The following MAPKAPK2 variants were observed in gnomAD, a reference collection of about 807,000 sequenced individuals.
MAPKAPK2 encodes the protein MAP kinase-activated protein kinase 2.
In MAPKAPK2, 9 loss-of-function variants were observed where a neutral mutation model predicts 48.8. That is an observed-to-expected ratio of 0.18 (90% CI 0.11 to 0.32). The LOEUF (loss-of-function observed/expected upper bound fraction) is 0.32. Among genes scored for constraint, MAPKAPK2 ranks in the 10% least tolerant of loss-of-function variants. The pLI is 1.00. For missense variants in MAPKAPK2, 331 were observed against 498.3 expected (o/e 0.66, Z 3.20); for synonymous variants, 202 against 190.6 (o/e 1.06, Z -0.49).
chr1:206,701,898 C>T (rs1348179974), intron 1 of MAPKAPK2, among the ~76,000 whole-genome samples: 2 of 149,214 alleles, frequency 1.3e-5, no homozygotes, highest in Non-Finnish European at 3.0e-5. Flanking sequence ...AAGAGATGGT[C>T]ACCTGGCCCA....
intron 1 of MAPKAPK2, among the ~76,000 whole-genome samples, chr1:206,697,163 G>T (rs187185459): frequency 8.5e-4 from 129 of 152,284 alleles, no homozygotes; most frequent in African/African-American, 3.0e-3. Context: ...GCCCTTTGGA[G>T]AACTTTAACT....
In MAPKAPK2 at chr1:206,728,841, C is replaced by T; in HGVS notation, c.411C>T (p.Val137=). Residue 137 remains valine (V), a synonymous_variant, in exon 2 of 10, where the codon GTC becomes GTT. Transcript: ENST00000367103. ...CAGGGAGGAAGTGCCTGCTGATTGT[C>T]ATGGAATGGTAAGCAGCCACTGTTC... The part of the protein sequence containing the change: ...LYAGRKCLLI[V]MECLDGGELF... 1 of 1,614,054 alleles carries T rather than the reference C, an allele frequency of 6.2e-7. No homozygotes were observed. The highest frequency in any genetic ancestry group is 8.5e-7 in the Non-Finnish European group (1 of 1,179,982).
At chr1:206,720,987 G>A (rs1673499017) in intron 1 of MAPKAPK2, among the ~76,000 whole-genome samples, 1 of 152,006 alleles carries the variant, frequency 6.6e-6, no homozygotes, top group African/African-American at 2.4e-5. Flanking sequence ...CTTATCTCTG[G>A]GCCTTAAGTT....
Position 206,691,334 on chromosome 1 carries a change from A to G in MAPKAPK2, c.279+5826A>G, listed in dbSNP as rs547991331. Among the ~76,000 whole-genome samples the G allele has an allele frequency of 3.3e-5, 5 of 151,980 alleles. No homozygotes were observed. The East Asian group carries it at 9.7e-4, about 29-fold the overall frequency. ...AACGCATCAGCTAGGATCTTTCCACATGGGTTACCTTGTAAATGGGGGCAT... is the reference window on the plus strand; with the variant it reads ...AACGCATCAGCTAGGATCTTTCCACGTGGGTTACCTTGTAAATGGGGGCAT... On this transcript the variant is annotated intron_variant, in intron 1 of 9. Transcript: ENST00000367103.
At chr1:206,694,028 G>C in intron 1 of MAPKAPK2, among the ~76,000 whole-genome samples, 1 of 152,230 alleles carries the variant, frequency 6.6e-6, no homozygotes, top group East Asian at 1.9e-4. Context: ...GGATCCTGGA[G>C]ACTTGTGGAG....
Position 206,732,500 on chromosome 1 carries a change from C to T in MAPKAPK2, c.1060-75C>T, listed in dbSNP as rs1026494792. 2.3e-5 allele frequency: 37 copies of T among 1,580,562 alleles called. No homozygotes were observed. Among genetic ancestry groups the T allele is most frequent in the Admixed American group, 1.6e-4 (9 of 57,694 alleles). ...CTGCCCTTGTTGTCTCTGTCTCTCA[C>T]GTCTCTCTTCTGCTGTCTCTCCTAC... On this transcript the variant is annotated intron_variant, in intron 9 of 9. Coordinates refer to ENST00000367103, the MANE Select transcript of MAPKAPK2 (RefSeq NM_032960.4). This position sits in a 1 kb window ranked among gnomAD's most constrained non-coding sequence, Gnocchi z 4.4.
At position 206,733,433 on chromosome 1, in the gene MAPKAPK2, C is replaced by T. The variant is rs1674001630; in HGVS notation, c.*715C>T. On this transcript the variant is annotated 3_prime_UTR_variant, in exon 10 of 10. Transcript: ENST00000367103. ...GAACCTTCTCCCTTCTTGGGTCTGC[C>T]CTGCCCATACTGAGCCTGCCAAAGT... 6.6e-6 allele frequency: 1 copy of T among 152,290 alleles called. No individual in the cohort carries two copies. The highest frequency in any genetic ancestry group is 2.4e-5 in the African/African-American group (1 of 41,444). The allele number at this position is 152,290 out of a possible 1,614,324, so 9.4% of individuals were successfully genotyped here.
chr1:206,697,259 G>T (rs1291895943), intron 1 of MAPKAPK2, among the ~76,000 whole-genome samples: 2 of 152,226 alleles, frequency 1.3e-5, no homozygotes, highest in East Asian at 3.8e-4. Context: ...CAGACACACA[G>T]ATGCAGTCCA....
At chr1:206,723,030 A>G (rs534232816) in intron 1 of MAPKAPK2, among the ~76,000 whole-genome samples, 1 of 152,344 alleles carries the variant, frequency 6.6e-6, no homozygotes, top group Non-Finnish European at 1.5e-5. Context: ...CACACCCACA[A>G]CACACTTGGT....
intron 1 of MAPKAPK2, among the ~76,000 whole-genome samples, 196 bp downstream of exon 1, chr1:206,685,704 C>T (rs1312609038): frequency 3.3e-5 from 5 of 149,914 alleles, no homozygotes; most frequent in Admixed American, 3.3e-4. Context: ...TCCCTGACCG[C>T]TTCCGGCCGC....
At chr1:206,702,890 A>G (rs1038829157) in intron 1 of MAPKAPK2, among the ~76,000 whole-genome samples, 2 of 152,218 alleles carry the variant, frequency 1.3e-5, no homozygotes, top group African/African-American at 4.8e-5. Context: ...TTCAAGGCTC[A>G]TAATAGATTT....
chr1:206,727,523 C>T (rs974564228), intron 1 of MAPKAPK2, among the ~76,000 whole-genome samples: 4 of 152,186 alleles, frequency 2.6e-5, no homozygotes, highest in Non-Finnish European at 5.9e-5. Flanking sequence ...TCCTCTTAGG[C>T]CCCCCTTACT....
At chr1:206,687,349 G>A (rs1231502770) in intron 1 of MAPKAPK2, among the ~76,000 whole-genome samples, 3 of 152,178 alleles carry the variant, frequency 2.0e-5, no homozygotes, top group African/African-American at 7.2e-5. Context: ...TTTCTACTTT[G>A]AATAGTTTTG....
chr1:206,710,868 G>A (rs1673121353), intron 1 of MAPKAPK2, among the ~76,000 whole-genome samples: 1 of 152,180 alleles, frequency 6.6e-6, no homozygotes, highest in Non-Finnish European at 1.5e-5. Context: ...TCTGGATAAG[G>A]TTTTTACAAA....
chr1:206,707,350 G>T (rs2102393064), intron 1 of MAPKAPK2, among the ~76,000 whole-genome samples: 1 of 152,130 alleles, frequency 6.6e-6, no homozygotes, highest in East Asian at 1.9e-4. Flanking sequence ...GTTGTTTTTG[G>T]TTTGTGAGGT....
intron 1 of MAPKAPK2, among the ~76,000 whole-genome samples, chr1:206,701,557 G>T (rs1672794448): frequency 6.6e-6 from 1 of 152,120 alleles, no homozygotes; most frequent in Non-Finnish European, 1.5e-5. Flanking sequence ...TGTAGGGCCA[G>T]GTGCAGTGGC....
intron 1 of MAPKAPK2, among the ~76,000 whole-genome samples, chr1:206,717,573 T>TCTGGGA (rs1673375480): frequency 6.6e-6 from 1 of 152,204 alleles, no homozygotes; most frequent in Non-Finnish European, 1.5e-5. Context: ...TTCTTAGGGT[T>TCTGGGA]ACATCCTCTG....
At chr1:206,721,290 G>T (rs1365181512) in intron 1 of MAPKAPK2, among the ~76,000 whole-genome samples, 2 of 152,144 alleles carry the variant, frequency 1.3e-5, no homozygotes, top group African/African-American at 4.8e-5. Context: ...CTAGTGCCAA[G>T]CTTGTACCAG....
intron 6 of MAPKAPK2, 151 bp downstream of exon 6, chr1:206,730,914 C>T (rs184530029): frequency 2.9e-5 from 29 of 983,440 alleles, no homozygotes; most frequent in Non-Finnish European, 4.2e-5. Flanking sequence ...AGCTAAGTGG[C>T]GGGTGTAAAC....
Sources: allele counts gnomAD v4.1 joint callset (sites outside exome capture counted in the v4.1 genomes callset), GRCh38; gene constraint gnomAD v4.1.1; non-coding constraint Gnocchi (gnomAD v3.1); transcripts MANE v1.5; gene names NCBI Gene and HGNC (gene_info 2026-07-23, HGNC 2026-07-21).